The following CAP2 variants were observed in gnomAD, a reference collection of about 807,000 sequenced individuals.
CAP2 encodes the protein cyclase associated actin cytoskeleton regulatory protein 2.
In CAP2, 24 loss-of-function variants were observed where a neutral mutation model predicts 57.7. The ratio of observed to expected loss-of-function variants is 0.42; its 90% CI spans 0.30 to 0.58. CAP2 has a LOEUF of 0.58. Among genes scored for constraint, CAP2 ranks in the 20% least tolerant of loss-of-function variants. The pLI, the probability that CAP2 is intolerant of heterozygous loss-of-function variation, is 0.22. For synonymous variants in CAP2, 194 were observed against 207.2 expected (o/e 0.94, Z 0.55); for missense variants, 501 against 590.3 (o/e 0.85, Z 1.57).
chr6:17,445,982 A>C (rs372074929), intron 3 of CAP2, among the ~76,000 whole-genome samples: 2 of 152,226 alleles, frequency 1.3e-5, no homozygotes, highest in South Asian at 2.1e-4. Context: ...CAACAGAGGA[A>C]TTGTCTGCTA....
chr6:17,416,578 C>G lies in CAP2; in HGVS notation c.-1-4977C>G, dbSNP rs557619928. ...GGACTGGGCAAGCAAAAAGTAAACCCGTGTATTTTTGGTGGCAACTCAGTA... is the reference window on the plus strand; with the variant it reads ...GGACTGGGCAAGCAAAAAGTAAACCGGTGTATTTTTGGTGGCAACTCAGTA... On this transcript the variant is annotated intron_variant, in intron 1 of 12. Transcript: ENST00000229922. 2.6e-5 allele frequency among the ~76,000 whole-genome samples: 4 copies of G among 152,214 alleles called. No individual in the cohort carries two copies. In the South Asian group the frequency reaches 8.3e-4, roughly 32 times the overall value.
intron 11 of CAP2, among the ~76,000 whole-genome samples, chr6:17,545,874 A>T (rs1453010208): frequency 6.6e-6 from 1 of 152,172 alleles, no homozygotes; most frequent in African/African-American, 2.4e-5. Flanking sequence ...ACATGAACTC[A>T]TCCTTTTTTA....
intron 4 of CAP2, among the ~76,000 whole-genome samples, chr6:17,506,693 A>G (rs1761994204): frequency 6.6e-6 from 1 of 151,748 alleles, no homozygotes; most frequent in Non-Finnish European, 1.5e-5. Flanking sequence ...ACTTTTTCAC[A>G]TGGATTATGG....
chr6:17,434,511 G>T (rs567919995), intron 3 of CAP2, among the ~76,000 whole-genome samples: 44 of 152,266 alleles, frequency 2.9e-4, no homozygotes, highest in Non-Finnish European at 5.4e-4. Context: ...TTACAGGCGT[G>T]AGCCACTGCA....
At chr6:17,439,120 AAG>A (rs1390209554) in intron 3 of CAP2, among the ~76,000 whole-genome samples, 2 of 150,216 alleles carry the variant, frequency 1.3e-5, no homozygotes, top group South Asian at 2.1e-4. Flanking sequence ...TAAAAAAATA[AAG>A]AGAGAGAGAA....
At chr6:17,502,608 A>G (rs1761854240) in intron 4 of CAP2, among the ~76,000 whole-genome samples, 1 of 152,192 alleles carries the variant, frequency 6.6e-6, no homozygotes, top group Non-Finnish European at 1.5e-5. Flanking sequence ...GATAACCAAT[A>G]TAAAGTATCT....
At chr6:17,514,067 A>T (rs1762215878) in intron 7 of CAP2, 113 bp downstream of exon 7, 2 of 737,826 alleles carry the variant, frequency 2.7e-6, no homozygotes, top group East Asian at 2.7e-5. Flanking sequence ...TGTAAGATTA[A>T]ATGTCCATGT....
chr6:17,506,595 G>A (rs549850131), intron 4 of CAP2, among the ~76,000 whole-genome samples: 4 of 151,578 alleles, frequency 2.6e-5, no homozygotes, highest in East Asian at 1.9e-4. Flanking sequence ...AGCCAATATC[G>A]CGCCACTGCA....
At chr6:17,490,496 G>T (rs1249356611) in intron 4 of CAP2, among the ~76,000 whole-genome samples, 1 of 152,222 alleles carries the variant, frequency 6.6e-6, no homozygotes, top group Non-Finnish European at 1.5e-5. Context: ...TATATTATCT[G>T]TGAATTTCTT....
chr6:17,465,578 A>C (rs192276224), intron 4 of CAP2, among the ~76,000 whole-genome samples: 35 of 152,204 alleles, frequency 2.3e-4, no homozygotes, highest in Non-Finnish European at 4.4e-4. Flanking sequence ...CCTGACAGAA[A>C]AGCAGACCTG....
chr6:17,420,138 G>A (rs1759399247), intron 1 of CAP2, among the ~76,000 whole-genome samples: 1 of 152,108 alleles, frequency 6.6e-6, no homozygotes, highest in Non-Finnish European at 1.5e-5. Flanking sequence ...CCAAAGTGCT[G>A]GGATTACAGG....
chr6:17,547,840 C>CA (rs35831731), intron 11 of CAP2, among the ~76,000 whole-genome samples: 55,292 of 112,460 alleles, frequency 0.49, 11,595 homozygotes, highest in Middle Eastern at 0.61. Context: ...GACTCTGTCT[C>CA]AAAAAAAAAA....
chr6:17,405,667 G>T (rs1758943790), intron 1 of CAP2, among the ~76,000 whole-genome samples: 1 of 152,084 alleles, frequency 6.6e-6, no homozygotes, highest in Non-Finnish European at 1.5e-5. Flanking sequence ...CACCAAGTTT[G>T]GAAGTTTTTG....
At chr6:17,489,479 G>T (rs1761498086) in intron 4 of CAP2, among the ~76,000 whole-genome samples, 1 of 151,938 alleles carries the variant, frequency 6.6e-6, no homozygotes, top group Admixed American at 6.6e-5. Context: ...TCAGAATACA[G>T]TAACTACCAT....
intron 7 of CAP2, chr6:17,531,343 A>G (rs1762633961): frequency 3.5e-6 from 5 of 1,441,030 alleles, no homozygotes; most frequent in Non-Finnish European, 4.8e-6. Context: ...GGCTCACACC[A>G]TTGATACCTC....
intron 4 of CAP2, among the ~76,000 whole-genome samples, chr6:17,498,889 C>G (rs1761732475): frequency 6.6e-6 from 1 of 151,782 alleles, no homozygotes. Flanking sequence ...CCACCACGCC[C>G]AGATAATTTT....
intron 1 of CAP2, among the ~76,000 whole-genome samples, chr6:17,400,396 T>C (rs754028218): frequency 6.6e-6 from 1 of 152,172 alleles, no homozygotes; most frequent in Non-Finnish European, 1.5e-5. Context: ...TCCCCCTATG[T>C]TGAGTGACTG....
chr6:17,517,296 A>G (rs1762293301), intron 7 of CAP2, among the ~76,000 whole-genome samples: 1 of 152,256 alleles, frequency 6.6e-6, no homozygotes, highest in Non-Finnish European at 1.5e-5. Flanking sequence ...AATGGTGCCC[A>G]TGGAAAATGA....
At chr6:17,483,733 A>G (rs1761354004) in intron 4 of CAP2, among the ~76,000 whole-genome samples, 1 of 152,088 alleles carries the variant, frequency 6.6e-6, no homozygotes, top group South Asian at 2.1e-4. Context: ...CAGAAGCCCA[A>G]CCATCAAGGC....
Sources: allele counts gnomAD v4.1 joint callset (sites outside exome capture counted in the v4.1 genomes callset), GRCh38; gene constraint gnomAD v4.1.1; transcripts MANE v1.5; gene names NCBI Gene and HGNC (gene_info 2026-07-23, HGNC 2026-07-21).